The following UGT1A9 variants were observed in gnomAD, a reference collection of about 807,000 sequenced individuals.
The protein encoded by UGT1A9 is UDP-glucuronosyltransferase 1A9.
A neutral mutation model predicts 45.0 loss-of-function variants in UGT1A9; 35 were observed. The ratio of observed to expected loss-of-function variants is 0.78; its 90% CI spans 0.59 to 1.03. UGT1A9 has a LOEUF of 1.03. UGT1A9 is among the 50% of genes least tolerant of loss of function. UGT1A9 has a pLI of 0.00. For synonymous variants in UGT1A9, 278 were observed against 250.6 expected (o/e 1.11, Z -1.03); for missense variants, 687 against 666.6 (o/e 1.03, Z -0.34).
intron 1 of UGT1A9, among the ~76,000 whole-genome samples, chr2:233,748,516 C>G (rs60390282): frequency 6.6e-6 from 1 of 151,670 alleles, no homozygotes; most frequent in Non-Finnish European, 1.5e-5. Flanking sequence ...TCCTGTCTTG[C>G]GAATGATAGA....
intron 1 of UGT1A9, among the ~76,000 whole-genome samples, chr2:233,699,014 G>A (rs2075477685): frequency 6.6e-6 from 1 of 152,222 alleles, no homozygotes; most frequent in Non-Finnish European, 1.5e-5. Flanking sequence ...AACATGAGAG[G>A]CTGAGCCACC....
chr2:233,705,136 GA>G (rs11336071), intron 1 of UGT1A9, among the ~76,000 whole-genome samples: 79,427 of 142,524 alleles, frequency 0.56, 22,601 homozygotes, highest in African/African-American at 0.75. Flanking sequence ...GACTTCGTCT[GA>G]AAAAAAAAAA....
chr2:233,758,811 C>A (rs371004333), intron 1 of UGT1A9, among the ~76,000 whole-genome samples: 1 of 152,184 alleles, frequency 6.6e-6, no homozygotes, highest in East Asian at 1.9e-4. Flanking sequence ...TATAGTACAG[C>A]AGTATATCCC....
chr2:233,767,810 T>C lies in UGT1A9; in HGVS notation c.988-39T>C, dbSNP rs547285080. ...GCAGATTTGTTTTCTAATCATATTA[T>C]GTTCTTTCTTTACGTTCTGCTCTTT... On this transcript the variant is annotated intron_variant, in intron 2 of 4. Transcript: ENST00000354728. 20 of 1,614,194 alleles carry C rather than the reference T, an allele frequency of 1.2e-5. No homozygotes were observed. The South Asian group carries it at 1.9e-4, about 15-fold the overall frequency.
chr2:233,768,475 G>A, intron 4 of UGT1A9, 36 bp downstream of exon 4: 2 of 1,597,142 alleles, frequency 1.3e-6, no homozygotes, highest in Non-Finnish European at 1.7e-6. Flanking sequence ...CTTTGGTCAT[G>A]GCATTCATGA....
chr2:233,693,389 C>T, intron 1 of UGT1A9: 1 of 1,614,162 alleles, frequency 6.2e-7, no homozygotes, highest in Non-Finnish European at 8.5e-7. Flanking sequence ...CTGCCAGAGC[C>T]TCCTGCAGGA....
chr2:233,731,547 T>C (rs548605747), intron 1 of UGT1A9, among the ~76,000 whole-genome samples: 5 of 152,336 alleles, frequency 3.3e-5, no homozygotes, highest in African/African-American at 1.2e-4. Flanking sequence ...TGGTTTTCTG[T>C]CCATGTGATA....
intron 1 of UGT1A9, chr2:233,761,142 A>G: frequency 5.0e-6 from 8 of 1,614,232 alleles, no homozygotes; most frequent in Non-Finnish European, 5.9e-6. Context: ...ACCAAAATCC[A>G]CTATCCCAGG....
intron 1 of UGT1A9, chr2:233,721,915 C>A: frequency 2.4e-6 from 1 of 417,320 alleles, no homozygotes; most frequent in East Asian, 6.7e-5. Context: ...CACACTGCTT[C>A]CATAAAGTGA....
rs2126030402 is a variant in UGT1A9 at position 233,767,100 on chromosome 2, G to A, written c.922G>A (p.Val308Ile). 1 of 1,614,092 alleles carries A rather than the reference G, an allele frequency of 6.2e-7. No homozygotes were observed. The highest frequency in any genetic ancestry group is 8.5e-7 in the Non-Finnish European group (1 of 1,180,010). Residue 308 changes from valine to isoleucine, a missense_variant, in exon 2 of 5, where the codon GTC (valine) becomes ATC (isoleucine). Val to Ile is a conservative substitution (Grantham distance 29). Coordinates refer to ENST00000354728, the MANE Select transcript of UGT1A9 (RefSeq NM_021027.3). ...TGTGGTTTTCTCTTTGGGATCAATGGTCTCAGAAATTCCAGAGAAGAAAGC... is the reference window on the plus strand; with the variant it reads ...TGTGGTTTTCTCTTTGGGATCAATGATCTCAGAAATTCCAGAGAAGAAAGC... The part of the protein sequence containing the change: ...GIVVFSLGSM[V>I]SEIPEKKAMA...
intron 1 of UGT1A9, among the ~76,000 whole-genome samples, chr2:233,737,561 C>T (rs1436138407): frequency 1.3e-5 from 2 of 152,190 alleles, no homozygotes; most frequent in African/African-American, 4.8e-5. Flanking sequence ...CAGTGGGATG[C>T]ACCCACTATC....
At chr2:233,747,246 G>T in intron 1 of UGT1A9, 1 of 1,601,988 alleles carries the variant, frequency 6.2e-7, no homozygotes, top group Non-Finnish European at 8.5e-7. Flanking sequence ...CCCTGCTGTG[G>T]CTGGCCACAG....
intron 1 of UGT1A9, chr2:233,743,023 A>G (rs574856700): frequency 4.1e-6 from 1 of 244,096 alleles, no homozygotes; most frequent in East Asian, 1.0e-4. Context: ...CGATTGAAAG[A>G]CAAACAGAGG....
chr2:233,747,198 C>T (rs375624902), intron 1 of UGT1A9: 21 of 1,604,164 alleles, frequency 1.3e-5, no homozygotes, highest in Non-Finnish European at 1.8e-5. Context: ...GTCAGCTGTC[C>T]GTGTCTTCTG....
intron 1 of UGT1A9, among the ~76,000 whole-genome samples, chr2:233,701,797 G>A (rs981416770): frequency 2.0e-5 from 3 of 152,060 alleles, no homozygotes. Flanking sequence ...TGAAATCAAC[G>A]AGAACAAAGA....
At chr2:233,713,154 G>A in intron 1 of UGT1A9, 1 of 1,614,234 alleles carries the variant, frequency 6.2e-7, no homozygotes, top group Non-Finnish European at 8.5e-7. Flanking sequence ...CCATGCGAGA[G>A]GCCACCAGGT....
chr2:233,672,759 C>G lies in UGT1A9; in HGVS notation c.825C>G (p.Ile275Met), dbSNP rs1294550035. The G allele has an allele frequency of 3.1e-6, 5 of 1,613,812 alleles. No homozygotes were observed. Among genetic ancestry groups the G allele is most frequent in the Non-Finnish European group, 3.4e-6 (4 of 1,179,772 alleles). ...CCAACATGATCTTCATTGGTGGTATCAACTGCCATCAGGGAAAGCCGTTGC... is the reference window on the plus strand; with the variant it reads ...CCAACATGATCTTCATTGGTGGTATGAACTGCCATCAGGGAAAGCCGTTGC... Reference protein sequence around the residue: ...VMPNMIFIGGINCHQGKPLPM... With the variant: ...VMPNMIFIGGMNCHQGKPLPM... The change falls in exon 1 of 5, where the codon ATC (isoleucine) becomes ATG (methionine). Residue 275 changes from isoleucine (I) to methionine (M), a missense_variant. Coordinates refer to ENST00000354728, the MANE Select transcript of UGT1A9 (RefSeq NM_021027.3).
chr2:233,772,783 CAGGATGACATGTGCCATTTTTCAG>C lies in UGT1A9; in HGVS notation c.*229_*252del. 7.8e-7 allele frequency: 1 copy of C among 1,277,504 alleles called. No homozygotes were observed. The highest frequency in any genetic ancestry group is 1.0e-6 in the Non-Finnish European group (1 of 966,400). 79.1% of individuals were successfully genotyped at this position (1,277,504 alleles called of 1,614,324 possible). On this transcript the variant is annotated 3_prime_UTR_variant, in exon 5 of 5. Transcript: ENST00000354728. ...TCGTGCCCCCTCTGGTGTCTTTGAT[CAGGATGACATGTGCCATTTTTCAG>C]AGGACGTGCAGACAGGCTGGCATTC... is the stretch of plus-strand genomic sequence containing the variant.
intron 1 of UGT1A9, among the ~76,000 whole-genome samples, chr2:233,746,736 T>A (rs1693464828): frequency 6.6e-6 from 1 of 151,854 alleles, no homozygotes; most frequent in African/African-American, 2.4e-5. Flanking sequence ...GATTCTGCTT[T>A]GGTTCCAAAG....
Sources: allele counts gnomAD v4.1 joint callset (sites outside exome capture counted in the v4.1 genomes callset), GRCh38; gene constraint gnomAD v4.1.1; transcripts MANE v1.5; gene names NCBI Gene and HGNC (gene_info 2026-07-23, HGNC 2026-07-21).